DLG2: variants seen among roughly 807,000 people sequenced by gnomAD.
The protein encoded by DLG2 is discs large MAGUK scaffold protein 2.
Under a neutral mutation model 132.5 loss-of-function variants are expected in DLG2, and 45 were observed. The ratio of observed to expected loss-of-function variants is 0.34; its 90% CI spans 0.27 to 0.44. The LOEUF is 0.44. Ranked by LOEUF, DLG2 falls within the 20% of genes least tolerant of loss-of-function variation. The probability of loss-of-function intolerance (pLI) is 1.00; values close to 1 mark genes in which losing one functional copy is unlikely to be tolerated. For synonymous variants in DLG2, 424 were observed against 419.6 expected (o/e 1.01, Z -0.13); for missense variants, 1,045 against 1,196.9 (o/e 0.87, Z 1.87).
intron 6 of DLG2, among the ~76,000 whole-genome samples, chr11:84,851,456 A>G (rs1032275032): frequency 2.0e-5 from 3 of 152,006 alleles, no homozygotes; most frequent in Non-Finnish European, 4.4e-5. Flanking sequence ...TCCTGCCCAA[A>G]TTGGAGCCCA....
chr11:83,702,935 G>C (rs191609603), intron 18 of DLG2, among the ~76,000 whole-genome samples: 19 of 152,328 alleles, frequency 1.2e-4, no homozygotes, highest in African/African-American at 4.1e-4. Flanking sequence ...CTGATGGTAA[G>C]GAATTGCAGT....
chr11:83,541,878 A>T lies in DLG2; in HGVS notation c.1941-20T>A, dbSNP rs2096076259. 6.4e-7 allele frequency: 1 copy of T among 1,573,458 alleles called. No individual in the cohort carries two copies. Among genetic ancestry groups the T allele is most frequent in the Non-Finnish European group, 8.6e-7 (1 of 1,158,448 alleles). ...ATGGCTCTGGAGGAAAGGACAAAAGAGGACATTGTTAGGAATCTCTGGCAG... is the reference window on the plus strand; with the variant it reads ...ATGGCTCTGGAGGAAAGGACAAAAGTGGACATTGTTAGGAATCTCTGGCAG... On this transcript the variant is annotated intron_variant, in intron 19 of 27. Transcript: ENST00000376104.
At chr11:83,792,291 T>G (rs1472544455) in intron 17 of DLG2, among the ~76,000 whole-genome samples, 1 of 152,198 alleles carries the variant, frequency 6.6e-6, no homozygotes, top group Non-Finnish European at 1.5e-5. Context: ...TATTGCACAT[T>G]TTCAAAATGA....
At chr11:84,707,861 T>C (rs1452046459) in intron 6 of DLG2, among the ~76,000 whole-genome samples, 1 of 151,832 alleles carries the variant, frequency 6.6e-6, no homozygotes, top group Non-Finnish European at 1.5e-5. Context: ...CTCCCTTTGC[T>C]CTTGGTAGCA....
At chr11:84,183,340 A>G (rs1029602850) in intron 8 of DLG2, among the ~76,000 whole-genome samples, 4 of 152,186 alleles carry the variant, frequency 2.6e-5, no homozygotes, top group African/African-American at 9.7e-5. Flanking sequence ...ATCAGTTGTA[A>G]CAAATTTACC....
chr11:83,969,236 T>C (rs934397553), intron 12 of DLG2, among the ~76,000 whole-genome samples: 5 of 152,204 alleles, frequency 3.3e-5, no homozygotes, highest in Non-Finnish European at 7.3e-5. Flanking sequence ...AATGAGATTA[T>C]ATTTGTATGT....
chr11:85,184,607 G>A (rs904764537), intron 4 of DLG2, among the ~76,000 whole-genome samples: 1 of 151,764 alleles, frequency 6.6e-6, no homozygotes, highest in Non-Finnish European at 1.5e-5. Flanking sequence ...GTAAAGGTTA[G>A]TTTCTTCCCT....
intron 3 of DLG2, among the ~76,000 whole-genome samples, chr11:85,305,293 G>A (rs187108163): frequency 6.6e-6 from 1 of 152,268 alleles, no homozygotes; most frequent in East Asian, 1.9e-4. Flanking sequence ...ACTGACTGTG[G>A]TAACTTGGCT....
chr11:85,290,573 T>C (rs1216574987), intron 3 of DLG2, among the ~76,000 whole-genome samples: 1 of 151,978 alleles, frequency 6.6e-6, no homozygotes, highest in Non-Finnish European at 1.5e-5. Flanking sequence ...AAGATGCCCA[T>C]AATAGAAGGA....
At chr11:84,637,254 T>C (rs1017864984) in intron 6 of DLG2, among the ~76,000 whole-genome samples, 1 of 152,164 alleles carries the variant, frequency 6.6e-6, no homozygotes, top group Non-Finnish European at 1.5e-5. Flanking sequence ...ACAAAGATTA[T>C]AGCAATGATT....
intron 7 of DLG2, among the ~76,000 whole-genome samples, chr11:84,328,433 A>G (rs914561234): frequency 6.6e-6 from 1 of 152,148 alleles, no homozygotes; most frequent in Non-Finnish European, 1.5e-5. Flanking sequence ...AAATCAAGTA[A>G]ATATAAATGG....
At chr11:84,017,305 T>C (rs896057706) in intron 11 of DLG2, among the ~76,000 whole-genome samples, 1 of 152,042 alleles carries the variant, frequency 6.6e-6, no homozygotes, top group African/African-American at 2.4e-5. Flanking sequence ...CAGATGATTA[T>C]AAACAAATAA....
chr11:85,607,888 A>T (rs2080700155), intron 2 of DLG2, among the ~76,000 whole-genome samples: 1 of 152,210 alleles, frequency 6.6e-6, no homozygotes, highest in Non-Finnish European at 1.5e-5. Flanking sequence ...TCTTTATAGG[A>T]CATGGGTAAA....
chr11:84,060,537 CT>C (rs149848087), intron 10 of DLG2, among the ~76,000 whole-genome samples: 3,269 of 147,680 alleles, frequency 0.022, 102 homozygotes, highest in African/African-American at 0.074. Flanking sequence ...AAACTTTCCT[CT>C]TTTTTTTTTT....
At chr11:84,857,683 T>C (rs545542845) in intron 6 of DLG2, among the ~76,000 whole-genome samples, 1 of 152,242 alleles carries the variant, frequency 6.6e-6, no homozygotes, top group African/African-American at 2.4e-5. Context: ...CTTTGCTATG[T>C]CTCCCCATCT....
At chr11:83,998,524 G>A (rs1433422838) in intron 11 of DLG2, among the ~76,000 whole-genome samples, 1 of 152,174 alleles carries the variant, frequency 6.6e-6, no homozygotes, top group Non-Finnish European at 1.5e-5. Context: ...GCTTGACCAG[G>A]ATCAGCTGGG....
intron 18 of DLG2, among the ~76,000 whole-genome samples, chr11:83,692,362 A>C (rs1386811771): frequency 6.6e-6 from 1 of 152,216 alleles, no homozygotes; most frequent in Non-Finnish European, 1.5e-5. Flanking sequence ...TAACATGCCT[A>C]ACTTTTAGGA....
At chr11:85,563,218 G>C (rs2077349572) in intron 3 of DLG2, among the ~76,000 whole-genome samples, 1 of 151,636 alleles carries the variant, frequency 6.6e-6, no homozygotes, top group African/African-American at 2.4e-5. Context: ...GTTTATTGAG[G>C]TATAATTTAC....
chr11:84,500,306 T>C (rs1007737996), intron 7 of DLG2, among the ~76,000 whole-genome samples: 3 of 150,784 alleles, frequency 2.0e-5, no homozygotes, highest in Non-Finnish European at 4.4e-5. Context: ...ACAGACTCTA[T>C]TTACACACAG....
Sources: allele counts gnomAD v4.1 joint callset (sites outside exome capture counted in the v4.1 genomes callset), GRCh38; gene constraint gnomAD v4.1.1; transcripts MANE v1.5; gene names NCBI Gene and HGNC (gene_info 2026-07-23, HGNC 2026-07-21).